COL10A1: variants seen among roughly 807,000 people sequenced by gnomAD.
The protein encoded by COL10A1 is collagen type X alpha 1 chain.
Under a neutral mutation model 18.2 loss-of-function variants are expected in COL10A1, and 10 were observed. The observed-to-expected ratio is 0.55, with a 90% CI of 0.34 to 0.93. The LOEUF (loss-of-function observed/expected upper bound fraction) is 0.93. COL10A1 is among the 40% of genes least tolerant of loss of function. COL10A1 has a pLI of 0.02. For synonymous variants in COL10A1, 330 were observed against 316.6 expected, an observed-to-expected ratio of 1.04 and a Z score of -0.45; for missense variants, 897 against 853.5, an observed-to-expected ratio of 1.05 and a Z score of -0.64.
intron 1 of COL10A1, among the ~76,000 whole-genome samples, chr6:116,156,133 A>C (rs1482952608): frequency 1.3e-5 from 2 of 152,188 alleles, no homozygotes; most frequent in Admixed American, 1.3e-4. Context: ...CTTTGAAAGC[A>C]TATCTTCAGT....
chr6:116,162,150 TA>T (rs1281338899), upstream of COL10A1, among the ~76,000 whole-genome samples: 1 of 152,234 alleles, frequency 6.6e-6, no homozygotes. Context: ...TTAGCAAAGT[TA>T]TTGATTAGGT....
At chr6:116,160,069 T>C (rs1462348161), upstream of COL10A1, among the ~76,000 whole-genome samples, 1 of 152,216 alleles carries the variant, frequency 6.6e-6, no homozygotes, top group Non-Finnish European at 1.5e-5. Flanking sequence ...TAGTGCTCAA[T>C]AAACATATAA....
At chr6:116,186,334 C>G in the COL10A1 span, among the ~76,000 whole-genome samples, 1 of 150,722 alleles carries the variant, frequency 6.6e-6, no homozygotes, top group South Asian at 2.1e-4. Flanking sequence ...CTTTAGATAA[C>G]CTGGTGACTG....
At chr6:116,135,890 T>G in intron 1 of COL10A1, among the ~76,000 whole-genome samples, 1 of 141,184 alleles carries the variant, frequency 7.1e-6, no homozygotes, top group Admixed American at 7.1e-5. Flanking sequence ...TACACACACA[T>G]TGCTAAATGG....
chr6:116,123,637 T>G (rs1779204425), intron 2 of COL10A1, among the ~76,000 whole-genome samples: 1 of 152,242 alleles, frequency 6.6e-6, no homozygotes. Context: ...CTGTTTCAAC[T>G]TAATGTCTTA....
chr6:116,173,844 A>G, the COL10A1 span, among the ~76,000 whole-genome samples: 3 of 152,160 alleles, frequency 2.0e-5, no homozygotes, highest in Non-Finnish European at 4.4e-5. Context: ...GCACATTCCT[A>G]TTAACTAACC....
the COL10A1 span, among the ~76,000 whole-genome samples, chr6:116,187,410 C>G: frequency 6.6e-6 from 1 of 152,084 alleles, no homozygotes; most frequent in Non-Finnish European, 1.5e-5. Context: ...AGCCAAGACA[C>G]TCATGAAGAA....
At chr6:116,170,577 G>C in the COL10A1 span, among the ~76,000 whole-genome samples, 1 of 152,212 alleles carries the variant, frequency 6.6e-6, no homozygotes, top group East Asian at 1.9e-4. Flanking sequence ...TAGCTGTTGG[G>C]TTTGTTTGTT....
At chr6:116,122,638 C>G (rs1779165842) in intron 2 of COL10A1, among the ~76,000 whole-genome samples, 1 of 152,114 alleles carries the variant, frequency 6.6e-6, no homozygotes. Context: ...ACCTGATAAA[C>G]TAAACTTAAA....
chr6:116,140,382 A>G (rs780719982), intron 1 of COL10A1, among the ~76,000 whole-genome samples: 1 of 152,056 alleles, frequency 6.6e-6, no homozygotes, highest in African/African-American at 2.4e-5. Context: ...TCTGCCTTAC[A>G]TTCCTGGTTT....
the COL10A1 span, among the ~76,000 whole-genome samples, chr6:116,199,872 A>G: frequency 3.3e-5 from 5 of 152,040 alleles, no homozygotes; most frequent in African/African-American, 1.2e-4. Flanking sequence ...AGACTAATCT[A>G]CCACACAAAA....
chr6:116,213,928 A>G, the COL10A1 span, among the ~76,000 whole-genome samples: 52 of 152,112 alleles, frequency 3.4e-4, no homozygotes, highest in African/African-American at 1.2e-3. Flanking sequence ...TTTTTAAGAG[A>G]TGGGATATCT....
At chr6:116,131,221 C>T (rs1779453767) in intron 1 of COL10A1, among the ~76,000 whole-genome samples, 1 of 152,064 alleles carries the variant, frequency 6.6e-6, no homozygotes, top group African/African-American at 2.4e-5. Flanking sequence ...CACCAAGAGC[C>T]AATATAAGCC....
At chr6:116,204,910 T>G in the COL10A1 span, among the ~76,000 whole-genome samples, 1 of 151,976 alleles carries the variant, frequency 6.6e-6, no homozygotes, top group Non-Finnish European at 1.5e-5. Context: ...GTCATTTTTT[T>G]GGGTGAGGAA....
In COL10A1 at chr6:116,120,400, A is replaced by G; in HGVS notation, c.1716T>C (p.Asp572=). The G allele has an allele frequency of 1.2e-6, 2 of 1,614,264 alleles. No homozygotes were observed. Among genetic ancestry groups the G allele is most frequent in the Non-Finnish European group, 1.7e-6 (2 of 1,180,036 alleles). Residue 572 remains aspartate (D), a synonymous_variant, in exon 3 of 3, where the codon GAT becomes GAC. Transcript: ENST00000651968. ...YPAIGTPIPF[D]KILYNRQQHY... ...GCTGTTGCCTGTTATACAAAATTTT[A>G]TCAAATGGTATGGGAGTTCCTATTG...
Position 116,147,336 on chromosome 6 carries a change from G to A in COL10A1, c.-16+11278C>T, listed in dbSNP as rs148178678. The stretch of plus-strand genomic sequence containing the variant: ...ATCTACCTGTAATCCCAGCTACCTG[G>A]GAGTCTGAGGCAGGGAAATTGCTTG... On this transcript the variant is annotated intron_variant, in intron 1 of 1. Coordinates refer to the COL10A1 transcript ENST00000418500. Among the ~76,000 whole-genome samples the A allele has an allele frequency of 2.6e-3, 395 of 152,154 alleles. 10 individuals are homozygous for A. The South Asian group carries it at 0.043, about 17-fold the overall frequency.
At chr6:116,169,291 C>T in the COL10A1 span, among the ~76,000 whole-genome samples, 36 of 152,176 alleles carry the variant, frequency 2.4e-4, no homozygotes, top group Admixed American at 2.3e-3. Context: ...CTCAGTTAGA[C>T]AATTTGTTCA....
At chr6:116,153,046 T>C (rs1168593126) in intron 1 of COL10A1, among the ~76,000 whole-genome samples, 1 of 151,980 alleles carries the variant, frequency 6.6e-6, no homozygotes, top group Non-Finnish European at 1.5e-5. Flanking sequence ...AGAAGTAAAA[T>C]CTTAATCACT....
intron 1 of COL10A1, among the ~76,000 whole-genome samples, chr6:116,140,739 A>T (rs1779744562): frequency 6.6e-6 from 1 of 152,126 alleles, no homozygotes; most frequent in South Asian, 2.1e-4. Context: ...ATTACACTGT[A>T]TGTATCTGCT....
Sources: gnomAD v4.1 joint callset for allele counts (sites outside exome capture counted in the v4.1 genomes callset) on GRCh38, gnomAD v4.1.1 for gene constraint, MANE v1.5 for transcripts, NCBI Gene and HGNC (gene_info 2026-07-23, HGNC 2026-07-21) for gene names.